TSPAN9: variants seen among roughly 807,000 people sequenced by gnomAD.
TSPAN9 encodes the protein tetraspanin-9.
TSPAN9 carries 16 observed loss-of-function variants against 31.0 expected under a neutral mutation model. That is an observed-to-expected ratio of 0.52 (90% CI 0.35 to 0.78). The LOEUF is 0.78. Ranked by LOEUF, TSPAN9 falls within the 30% of genes least tolerant of loss-of-function variation. The pLI is 0.01. For missense variants in TSPAN9, 272 were observed against 312.5 expected, an observed-to-expected ratio of 0.87 and a Z score of 0.98; for synonymous variants, 145 against 121.6, an observed-to-expected ratio of 1.19 and a Z score of -1.27.
At position 3,285,194 on chromosome 12, in the gene TSPAN9, C is replaced by T. The variant is rs919497363; in HGVS notation, c.*2078C>T. The T allele has an allele frequency of 1.0e-4, 12 of 114,766 alleles. No individual in the cohort carries two copies. The highest frequency in any genetic ancestry group is 1.0e-4 in the African/African-American group (3 of 29,718). The allele number at this position is 114,766 out of a possible 1,614,324, so 7.1% of individuals were successfully genotyped here. A position where few individuals can be genotyped will look rare whatever the true frequency, so the allele number is the denominator to read the frequency against. On this transcript the variant is annotated 3_prime_UTR_variant, in exon 9 of 9. Coordinates refer to ENST00000011898, the MANE Select transcript of TSPAN9 (RefSeq NM_006675.5). Reference sequence around the variant, plus strand: ...GTGCAGATTCCGGAGCAGACACATCCGGGCGGAGAGACTCAGCAGACAAGT... The same window carrying T: ...GTGCAGATTCCGGAGCAGACACATCTGGGCGGAGAGACTCAGCAGACAAGT...
At chr12:3,174,457 G>A (rs2098353853) in intron 2 of TSPAN9, among the ~76,000 whole-genome samples, 1 of 152,254 alleles carries the variant, frequency 6.6e-6, no homozygotes, top group African/African-American at 2.4e-5. Context: ...GTTAGAAAAT[G>A]AAGAGAGGTT....
intron 3 of TSPAN9, among the ~76,000 whole-genome samples, chr12:3,268,401 C>T (rs376471069): frequency 0.016 from 1,662 of 105,520 alleles, 15 homozygotes; most frequent in Non-Finnish European, 0.02. Context: ...TCTCTGTGTT[C>T]CTGCAGCCTG....
At chr12:3,281,469 C>A in intron 7 of TSPAN9, 140 bp downstream of exon 7, 3 of 1,351,320 alleles carry the variant, frequency 2.2e-6, no homozygotes, top group African/African-American at 1.5e-5. Context: ...AAAATAAAGC[C>A]AAAAGACAGG....
At chr12:3,212,800 C>T (rs1316982553) in intron 3 of TSPAN9, among the ~76,000 whole-genome samples, 1 of 152,138 alleles carries the variant, frequency 6.6e-6, no homozygotes, top group Non-Finnish European at 1.5e-5. Flanking sequence ...TGTTCATGTC[C>T]CGCACCTGCC....
chr12:3,205,405 G>A (rs918262649), intron 3 of TSPAN9, among the ~76,000 whole-genome samples: 2 of 152,222 alleles, frequency 1.3e-5, no homozygotes, highest in African/African-American at 4.8e-5. Context: ...GTGAGGTCAG[G>A]GCCCTCGCAG....
rs372070756 is a variant in TSPAN9 at position 3,141,175 on chromosome 12, A to G, written c.-18+57456A>G. The stretch of plus-strand genomic sequence containing the variant: ...CTTCCACAGTCTCTGTCGGCTCTCA[A>G]ATACCCCGTGTCAGGAGGAAGTCTA... On this transcript the variant is annotated intron_variant, in intron 2 of 8. Transcript: ENST00000011898. Among the ~76,000 whole-genome samples the G allele has an allele frequency of 5.2e-4, 79 of 152,166 alleles. 2 individuals carry two copies. The highest frequency in any genetic ancestry group is 1.2e-3 in the South Asian group (6 of 4,814).
At position 3,139,803 on chromosome 12, in the gene TSPAN9, C is replaced by T. The variant is rs573256786; in HGVS notation, c.-18+56084C>T. 1.5e-4 allele frequency among the ~76,000 whole-genome samples: 23 copies of T among 152,294 alleles called. No homozygotes were observed. The South Asian group carries it at 4.6e-3, about 30-fold the overall frequency. ...GCTCAGGTGATCCACCTCCCTCGGCCTCCCCTAGTGTTAGGATTACAGGCA... is the reference window on the plus strand; with the variant it reads ...GCTCAGGTGATCCACCTCCCTCGGCTTCCCCTAGTGTTAGGATTACAGGCA... On this transcript the variant is annotated intron_variant, in intron 2 of 8. Transcript: ENST00000011898.
intron 2 of TSPAN9, among the ~76,000 whole-genome samples, chr12:3,131,066 G>T (rs1280310192): frequency 2.0e-5 from 3 of 151,334 alleles, no homozygotes; most frequent in Non-Finnish European, 4.4e-5. Flanking sequence ...CCTTTGACGG[G>T]GTACACACGC....
chr12:3,248,435 C>T (rs1862181124), intron 3 of TSPAN9, among the ~76,000 whole-genome samples: 1 of 152,148 alleles, frequency 6.6e-6, no homozygotes, highest in Non-Finnish European at 1.5e-5. Flanking sequence ...TTGCCCTGGA[C>T]TTAATGTTCC....
chr12:3,268,155 C>CT (rs1862572487), intron 3 of TSPAN9, among the ~76,000 whole-genome samples: 1 of 142,352 alleles, frequency 7.0e-6, no homozygotes, highest in Non-Finnish European at 1.6e-5. Flanking sequence ...GCCTGCCCTC[C>CT]GTGCATTCCT....
intron 1 of TSPAN9, among the ~76,000 whole-genome samples, chr12:3,080,489 C>T (rs934764294): frequency 2.8e-4 from 42 of 152,078 alleles, no homozygotes; most frequent in Non-Finnish European, 5.1e-4. Flanking sequence ...CGCCCGCCAT[C>T]ACCCTCGGCT....
intron 2 of TSPAN9, among the ~76,000 whole-genome samples, chr12:3,160,295 G>A (rs145009701): frequency 8.5e-4 from 130 of 152,216 alleles, no homozygotes; most frequent in Non-Finnish European, 1.7e-3. Flanking sequence ...TTTTGATTAC[G>A]CAATAATATT....
chr12:3,220,186 A>G (rs978634517), intron 3 of TSPAN9, among the ~76,000 whole-genome samples: 4 of 151,786 alleles, frequency 2.6e-5, no homozygotes, highest in African/African-American at 9.7e-5. Flanking sequence ...GTTTCTTCAA[A>G]GAGACCTTAC....
At chr12:3,122,384 A>T (rs1375989871) in intron 2 of TSPAN9, among the ~76,000 whole-genome samples, 1 of 151,886 alleles carries the variant, frequency 6.6e-6, no homozygotes, top group Non-Finnish European at 1.5e-5. Context: ...GCACAATCAT[A>T]GCTCACTGCA....
chr12:3,282,472 C>T (rs945191323), intron 8 of TSPAN9, among the ~76,000 whole-genome samples: 6 of 152,180 alleles, frequency 3.9e-5, no homozygotes, highest in African/African-American at 1.4e-4. Context: ...TAGCTCGCTG[C>T]AGCCACAAAC....
At chr12:3,104,894 G>T (rs1440333353) in intron 2 of TSPAN9, among the ~76,000 whole-genome samples, 1 of 152,176 alleles carries the variant, frequency 6.6e-6, no homozygotes. Context: ...AGAGCAAAAG[G>T]GCCGGTCATT....
chr12:3,175,903 C>T (rs1022536784), intron 2 of TSPAN9, among the ~76,000 whole-genome samples: 3 of 152,284 alleles, frequency 2.0e-5, no homozygotes, highest in Admixed American at 6.5e-5. Context: ...TTCTGGGAAT[C>T]GGCACACTGC....
At position 3,185,062 on chromosome 12, in the gene TSPAN9, A is replaced by G. The variant is rs187460694; in HGVS notation, c.-17-16115A>G. Among the ~76,000 whole-genome samples the G allele has an allele frequency of 2.9e-3, 448 of 152,316 alleles. 3 individuals are homozygous for G. The highest frequency in any genetic ancestry group is 0.01 in the African/African-American group (422 of 41,562). On this transcript the variant is annotated intron_variant, in intron 2 of 8. Coordinates refer to ENST00000011898, the MANE Select transcript of TSPAN9 (RefSeq NM_006675.5). ...AACACAGATAATAACGAGGCTCATG[A>G]TAAGAGTAGTGAAGACTGTGTTCTC...
intron 2 of TSPAN9, among the ~76,000 whole-genome samples, chr12:3,118,660 C>T (rs1449859821): frequency 6.6e-6 from 1 of 151,890 alleles, no homozygotes; most frequent in East Asian, 1.9e-4. Flanking sequence ...CCCCACTGCA[C>T]CTGCAGCCCT....
Sources: gnomAD v4.1 joint callset for allele counts (sites outside exome capture counted in the v4.1 genomes callset) on GRCh38, gnomAD v4.1.1 for gene constraint, MANE v1.5 for transcripts, NCBI Gene and HGNC (gene_info 2026-07-23, HGNC 2026-07-21) for gene names.